ESRRG: variants seen among roughly 807,000 people sequenced by gnomAD.
The protein encoded by ESRRG is estrogen related receptor gamma, also known as estrogen-related receptor gamma.
Under a neutral mutation model 44.0 loss-of-function variants are expected in ESRRG, and 13 were observed. The ratio of observed to expected loss-of-function variants is 0.30; its 90% CI spans 0.19 to 0.47. The LOEUF (loss-of-function observed/expected upper bound fraction) is 0.47. Among genes scored for constraint, ESRRG ranks in the 20% least tolerant of loss-of-function variants. The pLI is 1.00. For synonymous variants in ESRRG, 215 were observed against 214.6 expected (o/e 1.00, Z -0.02); for missense variants, 395 against 580.6 (o/e 0.68, Z 3.29).
At chr1:216,664,663 T>C (rs2073419813) in intron 2 of ESRRG, among the ~76,000 whole-genome samples, 1 of 143,626 alleles carries the variant, frequency 7.0e-6, no homozygotes, top group South Asian at 2.3e-4. Context: ...AACATTCACC[T>C]CCTACCCATT....
At chr1:217,133,605 T>TTTTCTTTCTTTCTTTCTTTC (rs750071673) in intron 1 of ESRRG, among the ~76,000 whole-genome samples, 13 of 98,476 alleles carry the variant, frequency 1.3e-4, no homozygotes, top group Middle Eastern at 6.2e-3. Context: ...TGTTTTCCTT[T>TTTTCTTTCTTTCTTTCTTTC]TTTCTTTCTT....
chr1:217,011,517 T>C (rs1034480730), intron 1 of ESRRG, among the ~76,000 whole-genome samples: 1 of 152,192 alleles, frequency 6.6e-6, no homozygotes, highest in African/African-American at 2.4e-5. Context: ...ACACATTAGC[T>C]AATTAGTTGG....
intron 1 of ESRRG, among the ~76,000 whole-genome samples, chr1:217,061,305 G>A (rs937592167): frequency 7.2e-5 from 11 of 151,974 alleles, no homozygotes; most frequent in East Asian, 5.8e-4. Flanking sequence ...GTTTGAAATC[G>A]CAAATAGATA....
intron 1 of ESRRG, among the ~76,000 whole-genome samples, chr1:216,965,808 T>C (rs1028445032): frequency 3.3e-5 from 5 of 152,112 alleles, no homozygotes; most frequent in African/African-American, 1.2e-4. Flanking sequence ...TGAGAAACAG[T>C]TCTTGTCATG....
intron 1 of ESRRG, among the ~76,000 whole-genome samples, chr1:216,988,173 G>T (rs747656282): frequency 6.6e-6 from 1 of 152,064 alleles, no homozygotes; most frequent in Non-Finnish European, 1.5e-5. Flanking sequence ...AGAAAGTAAA[G>T]GTACATCTAG....
intron 2 of ESRRG, among the ~76,000 whole-genome samples, chr1:216,786,043 G>A (rs753349927): frequency 6.6e-6 from 1 of 152,054 alleles, no homozygotes; most frequent in Non-Finnish European, 1.5e-5. Flanking sequence ...TCTATCCGCT[G>A]CTCCCTAAAG....
chr1:216,567,930 T>C (rs2059978147), intron 4 of ESRRG, 58 bp downstream of exon 4: 8 of 1,141,302 alleles, frequency 7.0e-6, no homozygotes, highest in Non-Finnish European at 1.1e-5. Context: ...CTGATGTACA[T>C]AGAGCCAACT....
At chr1:216,801,471 T>C (rs186123155) in intron 2 of ESRRG, among the ~76,000 whole-genome samples, 2 of 152,294 alleles carry the variant, frequency 1.3e-5, no homozygotes, top group Admixed American at 1.3e-4. Flanking sequence ...TTTATCACTC[T>C]GTATTCAACT....
intron 2 of ESRRG, among the ~76,000 whole-genome samples, chr1:216,914,104 C>A (rs1410327378): frequency 6.6e-6 from 1 of 151,150 alleles, no homozygotes; most frequent in East Asian, 1.9e-4. Context: ...CCCCTCCCCC[C>A]ATCCTTTTTT....
chr1:216,737,102 C>A (rs184155396), intron 2 of ESRRG, among the ~76,000 whole-genome samples: 145 of 152,324 alleles, frequency 9.5e-4, no homozygotes, highest in Middle Eastern at 3.4e-3. Context: ...TGCTACGGCT[C>A]AGTTTACAGA....
At chr1:216,706,265 G>C (rs950322685) in intron 1 of ESRRG, among the ~76,000 whole-genome samples, 1 of 151,946 alleles carries the variant, frequency 6.6e-6, no homozygotes, top group African/African-American at 2.4e-5. Context: ...TGGCGGGGGT[G>C]GGGGGCTGGA....
intron 3 of ESRRG, among the ~76,000 whole-genome samples, chr1:216,629,067 G>A (rs949440498): frequency 8.5e-5 from 13 of 152,192 alleles, no homozygotes; most frequent in African/African-American, 2.9e-4. Context: ...GACTAGGACA[G>A]ATGCCCTTCC....
At chr1:216,685,626 G>A (rs947816949) in intron 1 of ESRRG, among the ~76,000 whole-genome samples, 61 of 152,300 alleles carry the variant, frequency 4.0e-4, no homozygotes, top group African/African-American at 1.3e-3. Flanking sequence ...ATTGAATATA[G>A]ATGCTTTACT....
At chr1:217,071,408 C>T (rs184553734) in intron 1 of ESRRG, among the ~76,000 whole-genome samples, 257 of 152,182 alleles carry the variant, frequency 1.7e-3, no homozygotes, top group African/African-American at 6.0e-3. Context: ...GGGCAAGTTT[C>T]ATTTTGGGGG....
intron 3 of ESRRG, among the ~76,000 whole-genome samples, chr1:216,634,849 A>G (rs2064975951): frequency 1.3e-5 from 2 of 152,216 alleles, no homozygotes; most frequent in African/African-American, 4.8e-5. Context: ...GCAGTTTACC[A>G]TTATACATAC....
intron 1 of ESRRG, among the ~76,000 whole-genome samples, chr1:217,065,647 G>A (rs1235444309): frequency 6.6e-6 from 1 of 152,176 alleles, no homozygotes; most frequent in Non-Finnish European, 1.5e-5. Flanking sequence ...GATACTGTCT[G>A]CCATTTACAC....
At chr1:216,913,704 C>T (rs902406357) in intron 2 of ESRRG, among the ~76,000 whole-genome samples, 4 of 152,202 alleles carry the variant, frequency 2.6e-5, no homozygotes, top group African/African-American at 7.2e-5. Context: ...CTGTCTACCT[C>T]AGAAGGTGGT....
intron 3 of ESRRG, among the ~76,000 whole-genome samples, chr1:216,599,483 C>A (rs1036586109): frequency 6.6e-6 from 1 of 152,028 alleles, no homozygotes; most frequent in Non-Finnish European, 1.5e-5. Context: ...AAAATCCTTT[C>A]GATTTTTACC....
chr1:216,519,469 A>G, intron 5 of ESRRG, 48 bp from the exon 6 acceptor site: 3 of 1,538,542 alleles, frequency 1.9e-6, no homozygotes, highest in Non-Finnish European at 1.7e-6. Context: ...CCATAATTTC[A>G]TAATGCAACA....
Sources: gnomAD v4.1 joint callset for allele counts (sites outside exome capture counted in the v4.1 genomes callset) on GRCh38, gnomAD v4.1.1 for gene constraint, MANE v1.5 for transcripts, NCBI Gene and HGNC (gene_info 2026-07-23, HGNC 2026-07-21) for gene names.